The following NDE1 variants were observed in gnomAD, a reference collection of about 807,000 sequenced individuals.
NDE1 encodes nuclear distribution protein nudE homolog 1.
In NDE1, 28 loss-of-function variants were observed where a neutral mutation model predicts 43.4. The ratio of observed to expected loss-of-function variants is 0.65; its 90% confidence interval spans 0.48 to 0.89. The LOEUF (loss-of-function observed/expected upper bound fraction) is 0.89. Among genes scored for constraint, NDE1 ranks in the 40% least tolerant of loss-of-function variants. The pLI is 0.00. For synonymous variants in NDE1, 184 were observed against 172.0 expected (o/e 1.07, Z -0.55); for missense variants, 441 against 434.1 (o/e 1.02, Z -0.14).
upstream of NDE1, among the ~76,000 whole-genome samples, chr16:15,646,427 C>T (rs1372202029): frequency 6.6e-6 from 1 of 151,798 alleles, no homozygotes; most frequent in Non-Finnish European, 1.5e-5. Flanking sequence ...ACTAAAACTA[C>T]AAAATTAGCT....
At chr16:15,702,604 C>T (rs2039259029) in intron 8 of NDE1, among the ~76,000 whole-genome samples, 1 of 150,924 alleles carries the variant, frequency 6.6e-6, no homozygotes, top group Non-Finnish European at 1.5e-5. Context: ...AGACGGGGGT[C>T]TCTCTCGGCT....
intron 8 of NDE1, chr16:15,701,941 A>G (rs1183210654): frequency 1.3e-5 from 2 of 152,206 alleles, no homozygotes; most frequent in Admixed American, 6.5e-5. Flanking sequence ...CTTCTGGTCA[A>G]AGAGGCTTTG....
chr16:15,692,072 A>G (rs558367467), intron 6 of NDE1, among the ~76,000 whole-genome samples: 3 of 151,848 alleles, frequency 2.0e-5, no homozygotes, highest in South Asian at 2.1e-4. Context: ...ATGGGCAGAA[A>G]AAAAGAATCT....
chr16:15,694,179 A>G lies in NDE1; in HGVS notation c.718A>G (p.Thr240Ala), dbSNP rs140540712. 8 of 1,612,732 alleles carry G rather than the reference A, an allele frequency of 5.0e-6. No homozygotes were observed. The African/African-American group carries it at 1.1e-4, about 22-fold the overall frequency. Residue 240 changes from threonine (T) to alanine (A), a missense_variant, in exon 7 of 9, where the codon ACC becomes GCC. By Grantham distance (58) the Thr-to-Ala change is moderately conservative. Transcript: ENST00000396354. ...GSFRRGLDDS[T>A]GGTPLTPAAR... Reference sequence around the variant, plus strand: ...TGCACACCCAGGCCTGGACGACTCCACCGGGGGGACCCCCCTCACACCTGC... The same window carrying G: ...TGCACACCCAGGCCTGGACGACTCCGCCGGGGGGACCCCCCTCACACCTGC...
At chr16:15,708,809 C>T in intron 8 of NDE1, 1 of 1,608,254 alleles carries the variant, frequency 6.2e-7, no homozygotes, top group East Asian at 2.2e-5. Context: ...ATACCTGGTG[C>T]ATCACTGCGA....
chr16:15,721,345 C>T, intron 8 of NDE1: 16 of 1,490,632 alleles, frequency 1.1e-5, no homozygotes, highest in African/African-American at 1.4e-5. Flanking sequence ...CAGGAGCTAG[C>T]CTCGCATGGA....
At chr16:15,690,446 T>C (rs2384932) in intron 5 of NDE1, among the ~76,000 whole-genome samples, 105,570 of 145,242 alleles carry the variant, frequency 0.73, 39,007 homozygotes, top group African/African-American at 0.89. Flanking sequence ...CAGCCTCGAC[T>C]TACTGGATTA....
intron 3 of NDE1, among the ~76,000 whole-genome samples, chr16:15,671,964 A>C (rs964317082): frequency 5.3e-5 from 8 of 152,032 alleles, no homozygotes; most frequent in Non-Finnish European, 7.4e-5. Flanking sequence ...CTGGGATTAC[A>C]GGTGTGAGCC....
chr16:15,652,669 T>C (rs1332014656), intron 1 of NDE1, among the ~76,000 whole-genome samples: 1 of 152,108 alleles, frequency 6.6e-6, no homozygotes, highest in African/African-American at 2.4e-5. Context: ...AAGTTTTTGT[T>C]TGTTTGTTTT....
intron 8 of NDE1, chr16:15,718,973 T>C (rs1596711739): frequency 5.9e-6 from 3 of 508,480 alleles, no homozygotes; most frequent in Non-Finnish European, 1.1e-5. Context: ...ACTAAAAATA[T>C]AAAAATTAGC....
At chr16:15,723,652 A>G (rs2040599227) in intron 8 of NDE1, among the ~76,000 whole-genome samples, 1 of 152,134 alleles carries the variant, frequency 6.6e-6, no homozygotes. Flanking sequence ...TCTCAAAATA[A>G]GTATCTGATA....
intron 1 of NDE1, among the ~76,000 whole-genome samples, chr16:15,657,320 A>T (rs1353410132): frequency 6.6e-5 from 10 of 151,992 alleles, no homozygotes; most frequent in Admixed American, 3.3e-4. Context: ...GCTGGTCTTG[A>T]ACTCCTGACC....
intron 1 of NDE1, among the ~76,000 whole-genome samples, chr16:15,653,720 G>C (rs1048318396): frequency 1.3e-5 from 2 of 149,014 alleles, no homozygotes; most frequent in Non-Finnish European, 3.0e-5. Flanking sequence ...AAAAAAAAAA[G>C]CATGTGGAAA....
intron 4 of NDE1, chr16:15,686,570 C>T (rs1319356856): frequency 3.1e-6 from 3 of 981,300 alleles, no homozygotes; most frequent in Non-Finnish European, 3.6e-6. Flanking sequence ...CTCAGTAACT[C>T]AGGAGGCTGA....
At chr16:15,663,444 A>T (rs1171421237) in intron 1 of NDE1, among the ~76,000 whole-genome samples, 1 of 151,468 alleles carries the variant, frequency 6.6e-6, no homozygotes, top group African/African-American at 2.4e-5. Flanking sequence ...GAGTTTCACC[A>T]TATTGGCCAG....
intron 1 of NDE1, among the ~76,000 whole-genome samples, chr16:15,662,191 G>A (rs1380985009): frequency 6.6e-6 from 1 of 151,778 alleles, no homozygotes; most frequent in Non-Finnish European, 1.5e-5. Flanking sequence ...CTCTTGCCTT[G>A]GCCTCCCATA....
chr16:15,718,045 C>T (rs1465396438), intron 8 of NDE1: 10 of 553,074 alleles, frequency 1.8e-5, no homozygotes, highest in African/African-American at 3.8e-5. Context: ...TCCCAAGGCC[C>T]GGACTCCAGG....
intron 3 of NDE1, among the ~76,000 whole-genome samples, chr16:15,669,290 T>A (rs2037471047): frequency 6.6e-6 from 1 of 151,796 alleles, no homozygotes; most frequent in Non-Finnish European, 1.5e-5. Context: ...GCCTCCCAGG[T>A]TCAAGTGATT....
chr16:15,658,473 G>A (rs1431266035), intron 1 of NDE1, among the ~76,000 whole-genome samples: 3 of 152,280 alleles, frequency 2.0e-5, no homozygotes, highest in South Asian at 4.1e-4. Flanking sequence ...CACTAAGGTC[G>A]TGAATAGGCA....
Sources: gnomAD v4.1 joint callset for allele counts (sites outside exome capture counted in the v4.1 genomes callset) on GRCh38, gnomAD v4.1.1 for gene constraint, MANE v1.5 for transcripts, NCBI Gene and HGNC (gene_info 2026-07-23, HGNC 2026-07-21) for gene names.